PRUNE1: variants seen among roughly 807,000 people sequenced by gnomAD.
The protein encoded by PRUNE1 is prune exopolyphosphatase 1.
Under a neutral mutation model 42.5 loss-of-function variants are expected in PRUNE1, and 25 were observed. The observed-to-expected ratio is 0.59, with a 90% CI of 0.43 to 0.82. The LOEUF (loss-of-function observed/expected upper bound fraction) is 0.82. Ranked by LOEUF, PRUNE1 falls within the 40% of genes least tolerant of loss-of-function variation. The pLI is 0.00. For missense variants in PRUNE1, 443 were observed against 539.3 expected (o/e 0.82, Z 1.77); for synonymous variants, 203 against 217.1 (o/e 0.93, Z 0.57).
chr1:151,016,119 C>T (rs376679855), intron 1 of PRUNE1, among the ~76,000 whole-genome samples: 4 of 152,116 alleles, frequency 2.6e-5, no homozygotes, highest in East Asian at 1.9e-4. Context: ...TGCCTATAGT[C>T]CCAGGTACTC....
At chr1:151,030,796 G>GT (rs1262036718) in intron 7 of PRUNE1, among the ~76,000 whole-genome samples, 2 of 152,182 alleles carry the variant, frequency 1.3e-5, no homozygotes, top group African/African-American at 2.4e-5. Flanking sequence ...AAGAACTGCA[G>GT]TTTTTAAAGT....
chr1:151,008,475 T>C lies in PRUNE1; in HGVS notation c.-158T>C, dbSNP rs1673469677. The C allele has an allele frequency of 3.4e-6, 4 of 1,162,934 alleles. No homozygotes were observed. The highest frequency in any genetic ancestry group is 1.3e-5 in the South Asian group (1 of 74,730). 72.0% of individuals were successfully genotyped at this position (1,162,934 alleles called of 1,614,324 possible). On this transcript the variant is annotated 5_prime_UTR_variant, in exon 1 of 8. Transcript: ENST00000271620. ...CCCGCTTACGCAGTTCCTCCCGGGGTCGGAGGCCGATTCGCCGTGTGGCGG... is the reference window on the plus strand; with the variant it reads ...CCCGCTTACGCAGTTCCTCCCGGGGCCGGAGGCCGATTCGCCGTGTGGCGG...
In PRUNE1 at chr1:151,033,766, C is replaced by G. The variant is rs370598204; in HGVS notation, c.934-40C>G. 3 of 1,560,614 alleles carry G rather than the reference C, an allele frequency of 1.9e-6. No homozygotes were observed. In the Admixed American group the frequency reaches 5.2e-5, roughly 27 times the overall value. On this transcript the variant is annotated intron_variant, in intron 7 of 7. Coordinates refer to ENST00000271620, the MANE Select transcript of PRUNE1 (RefSeq NM_021222.3). ...TTAGAAGCCCAGCACTTTGCTACAG[C>G]AAGTTGTGTATCATTTCCCTGTTAT...
At chr1:151,027,165 C>T in intron 5 of PRUNE1, 68 bp from the exon 6 acceptor site, 1 of 1,136,414 alleles carries the variant, frequency 8.8e-7, no homozygotes, top group South Asian at 1.3e-5. Flanking sequence ...ATCTGGCTGT[C>T]CTTGCCTTCT....
At chr1:151,008,881 G>C (rs921518400) in intron 1 of PRUNE1, 1 of 713,198 alleles carries the variant, frequency 1.4e-6, no homozygotes, top group Non-Finnish European at 2.5e-6. Flanking sequence ...TCAGTCTCCC[G>C]GTTTTTGGCT....
intron 3 of PRUNE1, among the ~76,000 whole-genome samples, chr1:151,021,418 G>A (rs901519637): frequency 7.9e-5 from 12 of 152,272 alleles, no homozygotes; most frequent in East Asian, 5.8e-4. Flanking sequence ...TCATGCCATC[G>A]CACTCCAGCC....
Position 151,028,927 on chromosome 1 carries a change from G to A in PRUNE1, c.916G>A (p.Val306Met), listed in dbSNP as rs377500161. 2.5e-5 allele frequency: 40 copies of A among 1,613,536 alleles called. No homozygotes were observed. Among genetic ancestry groups the A allele is most frequent in the Non-Finnish European group, 3.3e-5 (39 of 1,179,648 alleles). Residue 306 changes from valine to methionine, a missense_variant, in exon 7 of 8, where the codon GTG becomes ATG. Physicochemically the swap from Val to Met is conservative, Grantham distance 21. Coordinates refer to ENST00000271620, the MANE Select transcript of PRUNE1 (RefSeq NM_021222.3). Reference protein sequence around the residue: ...VRQLAIFCPHVALQTTICEVL... With the variant: ...VRQLAIFCPHMALQTTICEVL... ...GCAGTTGGCTATTTTCTGTCCCCATGTGGCACTCCAAACAACGGTGAGTCT... is the reference window on the plus strand; with the variant it reads ...GCAGTTGGCTATTTTCTGTCCCCATATGGCACTCCAAACAACGGTGAGTCT...
chr1:151,022,218 C>G (rs1674499199), intron 3 of PRUNE1, among the ~76,000 whole-genome samples: 1 of 149,816 alleles, frequency 6.7e-6, no homozygotes, highest in African/African-American at 2.5e-5. Flanking sequence ...AAGTGATTCT[C>G]CTGCCTCAAC....
At chr1:151,012,010 C>T (rs1310482361) in intron 1 of PRUNE1, among the ~76,000 whole-genome samples, 4 of 152,064 alleles carry the variant, frequency 2.6e-5, no homozygotes, top group African/African-American at 9.7e-5. Context: ...ATCTCTTGAC[C>T]TCGTGGTCGG....
Position 151,034,338 on chromosome 1 carries a change from A to T in PRUNE1, c.*104A>T. 6 of 1,228,238 alleles carry T rather than the reference A, an allele frequency of 4.9e-6. No homozygotes were observed. The highest frequency in any genetic ancestry group is 6.9e-6 in the Non-Finnish European group (6 of 874,736). 76.1% of individuals were successfully genotyped at this position (1,228,238 alleles called of 1,614,324 possible). ...GCAATTCTGTCTTCATTGCTCCAGG[A>T]TCTGGTATACTGTTCTCATAAAACT... is the stretch of plus-strand genomic sequence containing the variant. On this transcript the variant is annotated 3_prime_UTR_variant, in exon 8 of 8. Coordinates refer to ENST00000271620, the MANE Select transcript of PRUNE1 (RefSeq NM_021222.3).
rs1674063286 is a variant in PRUNE1 at position 151,015,649 on chromosome 1, A to G, written c.40-2163A>G. Among the ~76,000 whole-genome samples, 19 of 149,714 alleles carry G rather than the reference A, an allele frequency of 1.3e-4. No homozygotes were observed. The South Asian group carries it at 4.0e-3, about 32-fold the overall frequency. On this transcript the variant is annotated intron_variant, in intron 1 of 7. Coordinates refer to ENST00000271620, the MANE Select transcript of PRUNE1 (RefSeq NM_021222.3). ...ACTCCATCTCAAAAAAAAAAAAAAAAAAAAATTAGTCGGGCATGGTGGCGG... is the reference window on the plus strand; with the variant it reads ...ACTCCATCTCAAAAAAAAAAAAAAAGAAAAATTAGTCGGGCATGGTGGCGG...
At chr1:151,024,466 G>C (rs1188429084) in intron 3 of PRUNE1, 145 bp from the exon 4 acceptor site, 1 of 762,460 alleles carries the variant, frequency 1.3e-6, no homozygotes, top group East Asian at 2.7e-5. Context: ...TTGCACTCTA[G>C]CCTGGGCGAC....
chr1:151,021,146 CAA>C (rs1162451001), intron 3 of PRUNE1, among the ~76,000 whole-genome samples: 24 of 80,540 alleles, frequency 3.0e-4, no homozygotes, highest in Admixed American at 5.7e-4. Flanking sequence ...TGCTCTGTCT[CAA>C]AAAAAAAAAA....
At chr1:151,033,053 C>T (rs1675331579) in intron 7 of PRUNE1, among the ~76,000 whole-genome samples, 1 of 150,422 alleles carries the variant, frequency 6.6e-6, no homozygotes, top group African/African-American at 2.4e-5. Context: ...GGATTACAGG[C>T]GTGAGCCACT....
chr1:151,013,952 T>C (rs1371369042), intron 1 of PRUNE1, among the ~76,000 whole-genome samples: 1 of 151,686 alleles, frequency 6.6e-6, no homozygotes, highest in Non-Finnish European at 1.5e-5. Flanking sequence ...ACCCCAGTGC[T>C]GTTCAGTATG....
chr1:151,010,812 T>C (rs977830083), intron 1 of PRUNE1, among the ~76,000 whole-genome samples: 1 of 151,958 alleles, frequency 6.6e-6, no homozygotes, highest in Non-Finnish European at 1.5e-5. Flanking sequence ...TGCGCCACTA[T>C]GCCTGGCTAA....
At chr1:151,033,547 T>C (rs1036167642) in intron 7 of PRUNE1, among the ~76,000 whole-genome samples, 9 of 151,790 alleles carry the variant, frequency 5.9e-5, no homozygotes, top group African/African-American at 1.7e-4. Context: ...CCCGCCACCA[T>C]GCCCGGCTAA....
At chr1:151,025,416 TC>T (rs1223462575) in intron 4 of PRUNE1, 98 bp from the exon 5 acceptor site, 6 of 1,214,900 alleles carry the variant, frequency 4.9e-6, no homozygotes, top group Admixed American at 5.4e-5. Context: ...TATACAAATC[TC>T]CTTGTGTGTG....
At chr1:151,016,638 A>G (rs1467143855) in intron 1 of PRUNE1, among the ~76,000 whole-genome samples, 4 of 151,790 alleles carry the variant, frequency 2.6e-5, no homozygotes, top group Non-Finnish European at 5.9e-5. Flanking sequence ...AGTAGCTGGG[A>G]TTACAGGCGC....
Sources: gnomAD v4.1 joint callset for allele counts (sites outside exome capture counted in the v4.1 genomes callset) on GRCh38, gnomAD v4.1.1 for gene constraint, MANE v1.5 for transcripts, NCBI Gene and HGNC (gene_info 2026-07-23, HGNC 2026-07-21) for gene names.